Variants in IQCB1 observed in about 807,000 individuals in gnomAD.
The protein encoded by IQCB1 is IQ motif containing B1, also known as IQ calmodulin-binding motif-containing protein 1.
A neutral mutation model predicts 84.4 loss-of-function variants in IQCB1; 56 were observed. The ratio of observed to expected loss-of-function variants is 0.66; its 90% confidence interval spans 0.54 to 0.83. The LOEUF is 0.83. Ranked by LOEUF, IQCB1 falls within the 40% of genes least tolerant of loss-of-function variation. IQCB1 has a pLI of 0.00. For missense variants in IQCB1, 629 were observed against 682.1 expected (o/e 0.92, Z 0.87); for synonymous variants, 210 against 234.8 (o/e 0.89, Z 0.96).
At chr3:121,778,425 T>G (rs1948323054) in intron 13 of IQCB1, among the ~76,000 whole-genome samples, 1 of 152,214 alleles carries the variant, frequency 6.6e-6, no homozygotes, top group Admixed American at 6.5e-5. Flanking sequence ...AAAAAGAATT[T>G]AACATTTCTG....
intron 12 of IQCB1, among the ~76,000 whole-genome samples, chr3:121,786,174 A>AGAAAAGAAAGAAAC (rs1559760701): frequency 7.4e-6 from 1 of 135,164 alleles, no homozygotes; most frequent in Non-Finnish European, 1.6e-5. Flanking sequence ...CTGTCTCAAA[A>AGAAAAGAAAGAAAC]GAAAAGAAAA....
intron 5 of IQCB1, among the ~76,000 whole-genome samples, chr3:121,814,171 A>C (rs1022214054): frequency 3.9e-5 from 6 of 152,218 alleles, no homozygotes; most frequent in Admixed American, 2.0e-4. Context: ...CTGAATGAGT[A>C]CTGGGTAAAT....
In IQCB1 at chr3:121,770,437, C is replaced by T; in HGVS notation, c.1705G>A (p.Gly569Arg). 1 of 1,614,198 alleles carries T rather than the reference C, an allele frequency of 6.2e-7. No individual in the cohort carries two copies. ...HIQAPWWKKL[G>R]EESGDEIDVP... ...TCAATCTCATCTCCAGATTCTTCTC[C>T]AAGCTTCTTCCACCAGGGTGCTTGT... Residue 569 changes from glycine (G) to arginine (R), a missense_variant, in exon 15 of 15, where the codon GGA becomes AGA. Physicochemically the swap from Gly to Arg is moderately radical, Grantham distance 125. Transcript: ENST00000310864.
intron 2 of IQCB1, among the ~76,000 whole-genome samples, chr3:121,833,398 CTT>C (rs1296635656): frequency 1.3e-5 from 2 of 152,178 alleles, no homozygotes; most frequent in East Asian, 3.8e-4. Flanking sequence ...CTGTTTTTCT[CTT>C]GTTACAATAG....
At chr3:121,776,146 A>C (rs1948217927) in intron 13 of IQCB1, among the ~76,000 whole-genome samples, 1 of 151,916 alleles carries the variant, frequency 6.6e-6, no homozygotes. Flanking sequence ...TGCAGCCTCG[A>C]ACTCCTGGGC....
intron 5 of IQCB1, among the ~76,000 whole-genome samples, chr3:121,825,585 T>C (rs541889925): frequency 3.9e-4 from 59 of 152,312 alleles, no homozygotes; most frequent in African/African-American, 1.4e-3. Context: ...AGAGCACATG[T>C]ATAGCATCTA....
At chr3:121,805,531 T>C (rs907286396) in intron 7 of IQCB1, among the ~76,000 whole-genome samples, 1 of 152,142 alleles carries the variant, frequency 6.6e-6, no homozygotes, top group African/African-American at 2.4e-5. Context: ...TGCAGTTAAG[T>C]TACTTGGAAA....
chr3:121,811,424 A>C (rs907790212), intron 5 of IQCB1, among the ~76,000 whole-genome samples: 1 of 151,898 alleles, frequency 6.6e-6, no homozygotes, highest in Non-Finnish European at 1.5e-5. Flanking sequence ...CAGACTGTTC[A>C]CTCCCCTGGA....
At position 121,827,721 on chromosome 3, in the gene IQCB1, G is replaced by A. The variant is rs186418397; in HGVS notation, c.263+749C>T. Among the ~76,000 whole-genome samples, 119 of 152,128 alleles carry A rather than the reference G, an allele frequency of 7.8e-4. 1 individual carries two copies. Among genetic ancestry groups the A allele is most frequent in the Admixed American group, 5.0e-3 (77 of 15,290 alleles). ...TAGGATTAAGCAGCTTAGAAATCTA[G>A]CATCCAAGACAAACCCTTTCAGTGG... On this transcript the variant is annotated intron_variant, in intron 4 of 14. Transcript: ENST00000310864.
At chr3:121,788,905 T>C (rs1948846409) in intron 11 of IQCB1, among the ~76,000 whole-genome samples, 1 of 152,100 alleles carries the variant, frequency 6.6e-6, no homozygotes, top group South Asian at 2.1e-4. Flanking sequence ...AGTATATATG[T>C]GACAGAATAA....
chr3:121,773,889 C>T (rs1456376780), intron 13 of IQCB1, among the ~76,000 whole-genome samples: 4 of 150,528 alleles, frequency 2.7e-5, no homozygotes, highest in East Asian at 3.9e-4. Context: ...AAAAAAAAAA[C>T]AACAACAAAA....
chr3:121,783,487 C>T (rs1006930387), intron 12 of IQCB1, among the ~76,000 whole-genome samples: 4 of 152,094 alleles, frequency 2.6e-5, no homozygotes, highest in Admixed American at 2.6e-4. Context: ...CAATATAGTA[C>T]ACTATAATTA....
At chr3:121,784,654 G>A (rs895029493) in intron 12 of IQCB1, among the ~76,000 whole-genome samples, 8 of 152,028 alleles carry the variant, frequency 5.3e-5, no homozygotes, top group South Asian at 2.1e-4. Context: ...ACTAAGAAGC[G>A]GTTTAGAAAA....
Position 121,826,054 on chromosome 3 carries a change from A to C in IQCB1, c.390T>G (p.Ala130=), listed in dbSNP as rs761945301. Reference sequence around the variant, plus strand: ...AAAAGACTAAATAAACACATACCTTAGCTGCATTGATAAAACATGTTTGTA... The same window carrying C: ...AAAAGACTAAATAAACACATACCTTCGCTGCATTGATAAAACATGTTTGTA... ...RQLQTCFINA[A]KAEEKDELLH... The change falls in exon 5 of 15, where the codon GCT becomes GCG. Residue 130 remains alanine (A), a synonymous_variant. Coordinates refer to ENST00000310864, the MANE Select transcript of IQCB1 (RefSeq NM_001023570.4). 2 of 1,612,316 alleles carry C rather than the reference A, an allele frequency of 1.2e-6. No homozygotes were observed. Among genetic ancestry groups the C allele is most frequent in the Non-Finnish European group, 1.7e-6 (2 of 1,178,486 alleles).
chr3:121,771,794 G>A (rs1948003303), intron 14 of IQCB1, among the ~76,000 whole-genome samples: 1 of 152,184 alleles, frequency 6.6e-6, no homozygotes, highest in African/African-American at 2.4e-5. Flanking sequence ...AATCCAAGAT[G>A]CTGACTGAAA....
At chr3:121,798,688 C>T (rs1031356328) in intron 8 of IQCB1, among the ~76,000 whole-genome samples, 18 of 152,016 alleles carry the variant, frequency 1.2e-4, no homozygotes, top group African/African-American at 3.1e-4. Context: ...AATGTATATA[C>T]GCTTACTCCT....
intron 7 of IQCB1, among the ~76,000 whole-genome samples, chr3:121,803,268 C>A (rs1949479897): frequency 6.6e-6 from 1 of 152,116 alleles, no homozygotes. Flanking sequence ...GCTGCCCAGG[C>A]TGGTCTGGAT....
intron 14 of IQCB1, 29 bp downstream of exon 14, chr3:121,772,528 T>A: frequency 6.2e-7 from 1 of 1,613,424 alleles, no homozygotes; most frequent in Non-Finnish European, 8.5e-7. Flanking sequence ...TTGTTCCTTT[T>A]AGAGAACGAA....
chr3:121,771,185 T>G (rs1166024484), intron 14 of IQCB1, among the ~76,000 whole-genome samples: 1 of 151,840 alleles, frequency 6.6e-6, no homozygotes, highest in Admixed American at 6.6e-5. Context: ...TTGGTCAGGC[T>G]GGTCTCGAAC....
Sources: gnomAD v4.1 joint callset for allele counts (sites outside exome capture counted in the v4.1 genomes callset) on GRCh38, gnomAD v4.1.1 for gene constraint, MANE v1.5 for transcripts, NCBI Gene and HGNC (gene_info 2026-07-23, HGNC 2026-07-21) for gene names.